The following PCSK6 variants were observed in gnomAD, a reference collection of about 807,000 sequenced individuals.
The protein encoded by PCSK6 is proprotein convertase subtilisin/kexin type 6.
Under a neutral mutation model 123.3 loss-of-function variants are expected in PCSK6, and 85 were observed. The ratio of observed to expected loss-of-function variants is 0.69; its 90% CI spans 0.58 to 0.83. The LOEUF (loss-of-function observed/expected upper bound fraction) is 0.83, where lower values mean the gene tolerates loss of function less well. Ranked by LOEUF, PCSK6 falls within the 40% of genes least tolerant of loss-of-function variation. The probability of loss-of-function intolerance (pLI) is 0.00; values close to 1 mark genes in which losing one functional copy is unlikely to be tolerated. For synonymous variants in PCSK6, 508 were observed against 516.0 expected (o/e 0.98, Z 0.21); for missense variants, 1,191 against 1,282.3 (o/e 0.93, Z 1.09).
intron 1 of PCSK6, among the ~76,000 whole-genome samples, chr15:101,473,990 A>C (rs1315260845): frequency 6.6e-6 from 1 of 152,250 alleles, no homozygotes; most frequent in Non-Finnish European, 1.5e-5. Context: ...TCTGAAACAA[A>C]TCTAACTTCT....
At chr15:101,371,994 C>T (rs1413447048) in intron 11 of PCSK6, among the ~76,000 whole-genome samples, 4 of 152,096 alleles carry the variant, frequency 2.6e-5, no homozygotes, top group Admixed American at 1.3e-4. Context: ...CTCCTTCCTG[C>T]TAGAATTTTC....
chr15:101,346,025 T>C (rs2040720968), intron 13 of PCSK6, among the ~76,000 whole-genome samples: 1 of 152,244 alleles, frequency 6.6e-6, no homozygotes, highest in Non-Finnish European at 1.5e-5. Flanking sequence ...GGTTCACCTT[T>C]GTTAGTAATG....
chr15:101,316,844 C>T (rs548275721), intron 19 of PCSK6, among the ~76,000 whole-genome samples: 1 of 151,604 alleles, frequency 6.6e-6, no homozygotes, highest in African/African-American at 2.4e-5. Flanking sequence ...GAGGGGTGTG[C>T]CCATTCTGCA....
At chr15:101,428,704 C>T (rs1418766232) in intron 5 of PCSK6, among the ~76,000 whole-genome samples, 1 of 152,336 alleles carries the variant, frequency 6.6e-6, no homozygotes, top group Admixed American at 6.5e-5. Flanking sequence ...GAAGAGTCCA[C>T]AGAGGATGGG....
chr15:101,417,150 T>C (rs1338117852), intron 6 of PCSK6, among the ~76,000 whole-genome samples: 1 of 152,228 alleles, frequency 6.6e-6, no homozygotes. Flanking sequence ...TGAGATCTGA[T>C]GGGTTTATCA....
chr15:101,421,705 T>G (rs1361801176), intron 6 of PCSK6, among the ~76,000 whole-genome samples: 2 of 152,186 alleles, frequency 1.3e-5, no homozygotes, highest in Non-Finnish European at 2.9e-5. Flanking sequence ...CAGACTACAA[T>G]CACAGCCAAC....
intron 13 of PCSK6, among the ~76,000 whole-genome samples, chr15:101,362,824 C>T (rs370743081): frequency 6.6e-6 from 1 of 152,246 alleles, no homozygotes; most frequent in Non-Finnish European, 1.5e-5. Flanking sequence ...TAGAAGGGCT[C>T]CTGAGCCCCC....
intron 1 of PCSK6, among the ~76,000 whole-genome samples, chr15:101,477,244 CGTGTGTGTGTGTGTCTGTGTGTCTGT>C (rs1324693362): frequency 1.3e-5 from 2 of 151,334 alleles, no homozygotes; most frequent in East Asian, 1.9e-4. Flanking sequence ...TATGTGTGTG[CGTGTGTGTGTGTGTCTGTGTGTCTGT>C]GTGTGTGTGC....
intron 15 of PCSK6, among the ~76,000 whole-genome samples, chr15:101,327,634 CT>C (rs1389894195): frequency 2.0e-5 from 3 of 152,170 alleles, no homozygotes; most frequent in Non-Finnish European, 4.4e-5. Flanking sequence ...TGCTGGCCAC[CT>C]TCATTTGGTG....
intron 13 of PCSK6, chr15:101,346,561 C>A: frequency 3.1e-6 from 1 of 318,506 alleles, no homozygotes; most frequent in Non-Finnish European, 5.6e-6. Context: ...GTAATAAAGT[C>A]AAATGTTCGA....
intron 2 of PCSK6, among the ~76,000 whole-genome samples, chr15:101,435,535 T>C (rs1325048738): frequency 6.6e-6 from 1 of 152,228 alleles, no homozygotes; most frequent in Non-Finnish European, 1.5e-5. Flanking sequence ...AAGATAGAAC[T>C]TCACTCTGAC....
intron 1 of PCSK6, among the ~76,000 whole-genome samples, chr15:101,476,894 A>G (rs2057745056): frequency 6.6e-6 from 1 of 152,230 alleles, no homozygotes; most frequent in Non-Finnish European, 1.5e-5. Context: ...ACCCTCTGCA[A>G]GGCTGGTGAT....
intron 11 of PCSK6, among the ~76,000 whole-genome samples, chr15:101,374,069 G>A (rs1367218191): frequency 1.3e-5 from 2 of 152,310 alleles, no homozygotes; most frequent in Admixed American, 6.5e-5. Flanking sequence ...TGAAGCCAGG[G>A]AGACGGCCAG....
chr15:101,305,364 C>T lies in PCSK6; in HGVS notation c.2813-9G>A, dbSNP rs1165151785. 4 of 1,609,984 alleles carry T rather than the reference C, an allele frequency of 2.5e-6. No individual in the cohort carries two copies. Among genetic ancestry groups the T allele is most frequent in the Non-Finnish European group, 3.4e-6 (4 of 1,179,076 alleles). ...GCAGAATGTCTCGTCAGCTGGGGCC[C>T]CGCATCAGGAAAGGCAAAAGAGGGA... On this transcript the variant is annotated splice_polypyrimidine_tract_variant and intron_variant, in intron 21 of 21. Transcript: ENST00000611716. The surrounding 1 kb of genome is among the most constrained non-coding windows in gnomAD (Gnocchi z 4.8).
intron 6 of PCSK6, among the ~76,000 whole-genome samples, chr15:101,418,762 TTTGAC>T (rs2055980431): frequency 6.6e-6 from 1 of 152,158 alleles, no homozygotes; most frequent in African/African-American, 2.4e-5. Context: ...ATCCACCCAC[TTTGAC>T]CTCCCAAAGT....
chr15:101,344,668 T>G (rs2040690843), intron 13 of PCSK6, among the ~76,000 whole-genome samples: 2 of 152,178 alleles, frequency 1.3e-5, no homozygotes, highest in African/African-American at 4.8e-5. Context: ...AATTTGTATT[T>G]TTTGAGATGG....
intron 11 of PCSK6, among the ~76,000 whole-genome samples, chr15:101,381,145 T>C (rs1344761461): frequency 6.6e-6 from 1 of 152,076 alleles, no homozygotes; most frequent in Admixed American, 6.5e-5. Context: ...GTGGATCACC[T>C]GAGGTCAAGA....
intron 20 of PCSK6, among the ~76,000 whole-genome samples, chr15:101,310,233 T>C (rs1008065477): frequency 6.6e-6 from 1 of 152,206 alleles, no homozygotes; most frequent in Non-Finnish European, 1.5e-5. Flanking sequence ...GCCCCAGCAC[T>C]GTCAGCCTCT....
At chr15:101,402,635 G>T (rs1195907880) in intron 6 of PCSK6, among the ~76,000 whole-genome samples, 12 of 152,174 alleles carry the variant, frequency 7.9e-5, no homozygotes, top group Non-Finnish European at 1.6e-4. Flanking sequence ...CTTCTCAAAA[G>T]AAGACATTTA....
Sources: allele counts gnomAD v4.1 joint callset (sites outside exome capture counted in the v4.1 genomes callset), GRCh38; gene constraint gnomAD v4.1.1; non-coding constraint Gnocchi (gnomAD v3.1); transcripts MANE v1.5; gene names NCBI Gene and HGNC (gene_info 2026-07-23, HGNC 2026-07-21).